RSRC1: variants seen among roughly 807,000 people sequenced by gnomAD.
The protein encoded by RSRC1 is arginine and serine rich coiled-coil 1.
In RSRC1, 39 loss-of-function variants were observed where a neutral mutation model predicts 49.1. The observed-to-expected ratio is 0.79, with a 90% CI of 0.61 to 1.04. The LOEUF (loss-of-function observed/expected upper bound fraction) is 1.04. Among genes scored for constraint, RSRC1 ranks in the 50% least tolerant of loss-of-function variants. RSRC1 has a pLI of 0.00. For synonymous variants in RSRC1, 143 were observed against 130.8 expected (o/e 1.09, Z -0.63); for missense variants, 388 against 402.4 (o/e 0.96, Z 0.31).
At chr3:158,436,807 G>A (rs1259434753) in intron 6 of RSRC1, among the ~76,000 whole-genome samples, 1 of 151,698 alleles carries the variant, frequency 6.6e-6, no homozygotes, top group Admixed American at 6.6e-5. Flanking sequence ...GTGAGTGGTT[G>A]GCATATATGA....
chr3:158,334,659 G>GTGTT (rs2108202397), intron 5 of RSRC1, among the ~76,000 whole-genome samples: 1 of 149,522 alleles, frequency 6.7e-6, no homozygotes, highest in East Asian at 2.0e-4. Flanking sequence ...TTGTGTGTGT[G>GTGTT]TGTGTGTGTG....
At chr3:158,292,309 A>C (rs556859225) in intron 4 of RSRC1, among the ~76,000 whole-genome samples, 5 of 152,204 alleles carry the variant, frequency 3.3e-5, no homozygotes, top group African/African-American at 1.2e-4. Context: ...CAGAACATCA[A>C]TCATGGCAAG....
intron 4 of RSRC1, among the ~76,000 whole-genome samples, chr3:158,264,103 CT>C (rs1413067673): frequency 1.3e-5 from 2 of 151,920 alleles, no homozygotes; most frequent in African/African-American, 4.8e-5. Context: ...TCCTCTTCTT[CT>C]AGTTTCTTAA....
At chr3:158,286,616 A>G (rs543112776) in intron 4 of RSRC1, among the ~76,000 whole-genome samples, 2 of 152,332 alleles carry the variant, frequency 1.3e-5, no homozygotes, top group Non-Finnish European at 2.9e-5. Flanking sequence ...AATTTGATTC[A>G]TTAAACAAGG....
chr3:158,156,879 A>G (rs185473281), intron 3 of RSRC1, among the ~76,000 whole-genome samples: 6 of 152,348 alleles, frequency 3.9e-5, no homozygotes, highest in African/African-American at 1.2e-4. Context: ...AGTTTGAAGT[A>G]TTGTGAGACT....
intron 6 of RSRC1, among the ~76,000 whole-genome samples, chr3:158,429,236 A>T (rs1735633845): frequency 6.6e-6 from 1 of 151,794 alleles, no homozygotes. Context: ...GACCAATAGG[A>T]AAATGATATA....
chr3:158,464,211 A>G (rs1316788555), intron 7 of RSRC1, among the ~76,000 whole-genome samples: 1 of 152,082 alleles, frequency 6.6e-6, no homozygotes, highest in Non-Finnish European at 1.5e-5. Context: ...TCTCTCTATT[A>G]TTGAATGCAT....
At chr3:158,401,409 C>A (rs1434438651) in intron 6 of RSRC1, among the ~76,000 whole-genome samples, 4 of 152,072 alleles carry the variant, frequency 2.6e-5, no homozygotes, top group Admixed American at 1.3e-4. Flanking sequence ...CCATTTATTT[C>A]TTTGTTTATT....
chr3:158,523,978 A>C (rs1595029), intron 7 of RSRC1, among the ~76,000 whole-genome samples: 78,539 of 151,866 alleles, frequency 0.52, 20,764 homozygotes, highest in African/African-American at 0.62. Context: ...TCTGCTTTTG[A>C]TTAGACTGGA....
At chr3:158,339,628 A>G (rs903036184) in intron 5 of RSRC1, among the ~76,000 whole-genome samples, 4 of 152,196 alleles carry the variant, frequency 2.6e-5, no homozygotes, top group East Asian at 1.9e-4. Flanking sequence ...TGATAATTCA[A>G]AAGTAAATTA....
intron 6 of RSRC1, among the ~76,000 whole-genome samples, chr3:158,456,074 C>T (rs140609837): frequency 2.2e-4 from 30 of 137,394 alleles, no homozygotes; most frequent in African/African-American, 7.0e-4. Flanking sequence ...GTTTAGGAAA[C>T]ATTCCTTGAA....
chr3:158,203,592 CTTAAAA>C (rs1447720765), intron 4 of RSRC1, among the ~76,000 whole-genome samples: 14 of 152,056 alleles, frequency 9.2e-5, no homozygotes, highest in Admixed American at 2.0e-4. Flanking sequence ...TGAGTATGAA[CTTAAAA>C]TTTGTAGACT....
intron 7 of RSRC1, among the ~76,000 whole-genome samples, chr3:158,501,536 G>A (rs1466078683): frequency 6.6e-6 from 1 of 152,082 alleles, no homozygotes; most frequent in African/African-American, 2.4e-5. Context: ...AAATTTGGGA[G>A]CTCCAGTTTT....
chr3:158,527,773 G>T (rs1712134111), intron 7 of RSRC1, among the ~76,000 whole-genome samples: 1 of 151,894 alleles, frequency 6.6e-6, no homozygotes, highest in Admixed American at 6.6e-5. Flanking sequence ...TCTGTTTTTA[G>T]TAGCTGTTCC....
chr3:158,377,014 A>G (rs533692178), intron 6 of RSRC1, among the ~76,000 whole-genome samples: 1 of 152,168 alleles, frequency 6.6e-6, no homozygotes, highest in South Asian at 2.1e-4. Flanking sequence ...CTTATCCTTC[A>G]TCACTTTAAA....
chr3:158,229,441 TAC>T (rs1355015648), intron 4 of RSRC1, among the ~76,000 whole-genome samples: 2 of 150,140 alleles, frequency 1.3e-5, no homozygotes, highest in African/African-American at 4.9e-5. Context: ...TATACACATA[TAC>T]ACACGTATAT....
chr3:158,142,479 T>C (rs1252900233), intron 3 of RSRC1, among the ~76,000 whole-genome samples: 2 of 151,946 alleles, frequency 1.3e-5, no homozygotes, highest in African/African-American at 4.8e-5. Context: ...TGAGACTGAG[T>C]AGTATAGAGA....
intron 4 of RSRC1, among the ~76,000 whole-genome samples, chr3:158,237,065 C>A (rs377433526): frequency 6.6e-6 from 1 of 152,114 alleles, no homozygotes; most frequent in African/African-American, 2.4e-5. Context: ...ATGTGTCAAG[C>A]GCTTTATCCC....
intron 3 of RSRC1, among the ~76,000 whole-genome samples, chr3:158,138,758 T>G (rs1716559001): frequency 6.6e-6 from 1 of 152,212 alleles, no homozygotes. Context: ...AAAAGGATAA[T>G]TCATTAAGTT....
Sources: allele counts gnomAD v4.1 joint callset (sites outside exome capture counted in the v4.1 genomes callset), GRCh38; gene constraint gnomAD v4.1.1; transcripts MANE v1.5; gene names NCBI Gene and HGNC (gene_info 2026-07-23, HGNC 2026-07-21).